The following GLRB variants were observed in gnomAD, a reference collection of about 807,000 sequenced individuals.
The protein encoded by GLRB is glycine receptor beta.
Under a neutral mutation model 54.2 loss-of-function variants are expected in GLRB, and 33 were observed. The observed-to-expected ratio is 0.61, with a 90% CI of 0.46 to 0.81. The LOEUF (loss-of-function observed/expected upper bound fraction) is 0.81, where lower values mean the gene tolerates loss of function less well. GLRB is among the 40% of genes least tolerant of loss of function. GLRB has a pLI of 0.00. For missense variants in GLRB, 572 were observed against 584.6 expected (o/e 0.98, Z 0.22); for synonymous variants, 209 against 208.2 (o/e 1.00, Z -0.03).
chr4:157,076,479 G>C (rs1277598890), intron 1 of GLRB, 182 bp downstream of exon 1: 1 of 151,668 alleles, frequency 6.6e-6, no homozygotes, highest in Non-Finnish European at 1.5e-5. Context: ...GGGGCGCGGG[G>C]CGCCTGGCAG....
rs281864922 is a variant in GLRB, at chr4:157,136,891, G to A, written c.610+5G>A. 8.1e-5 allele frequency: 124 copies of A among 1,524,980 alleles called. No homozygotes were observed. Among genetic ancestry groups the A allele is most frequent in the Non-Finnish European group, 1.0e-4 (114 of 1,098,918 alleles). The allele number at this position is 1,524,980 out of a possible 1,614,324, so 94.5% of individuals were successfully genotyped here. ...GCAAGATGCAACTGGAGAGCTGTAC[G>A]TAAATGAGAACATAATTGATTATGA... On this transcript the variant is annotated splice_donor_5th_base_variant and intron_variant, in intron 6 of 9. Coordinates refer to ENST00000264428, the MANE Select transcript of GLRB (RefSeq NM_000824.5).
intron 2 of GLRB, among the ~76,000 whole-genome samples, chr4:157,084,463 C>A (rs1050724643): frequency 6.6e-6 from 1 of 152,104 alleles, no homozygotes; most frequent in African/African-American, 2.4e-5. Context: ...CATTTATTAT[C>A]CTACCTTCTA....
chr4:157,162,764 G>T (rs1445459102), intron 9 of GLRB, among the ~76,000 whole-genome samples: 1 of 152,190 alleles, frequency 6.6e-6, no homozygotes, highest in Non-Finnish European at 1.5e-5. Context: ...ATGTCTCCCA[G>T]TTAGGCTACT....
intron 7 of GLRB, among the ~76,000 whole-genome samples, chr4:157,143,241 G>T (rs1257335544): frequency 6.6e-6 from 1 of 152,012 alleles, no homozygotes; most frequent in Non-Finnish European, 1.5e-5. Context: ...TATGTATATG[G>T]ATTGAAAACA....
chr4:157,152,595 G>T, intron 8 of GLRB, 123 bp from the exon 9 acceptor site: 1 of 797,038 alleles, frequency 1.3e-6, no homozygotes, highest in South Asian at 1.3e-5. Context: ...GCTTTAAGGG[G>T]ACCTGACAAA....
intron 2 of GLRB, among the ~76,000 whole-genome samples, chr4:157,092,303 A>G (rs1197762713): frequency 1.3e-5 from 2 of 152,194 alleles, no homozygotes; most frequent in Non-Finnish European, 2.9e-5. Context: ...TTGCTTCTCT[A>G]AGACTTTATC....
chr4:157,166,294 G>A (rs1041926363), intron 9 of GLRB, among the ~76,000 whole-genome samples: 2 of 151,948 alleles, frequency 1.3e-5, no homozygotes, highest in South Asian at 2.1e-4. Context: ...AGCCAAATTC[G>A]CTTTTAAGAA....
intron 2 of GLRB, among the ~76,000 whole-genome samples, chr4:157,107,695 G>A (rs1236919581): frequency 6.6e-6 from 1 of 152,090 alleles, no homozygotes; most frequent in Non-Finnish European, 1.5e-5. Context: ...GTGTGAGGTG[G>A]CACAGCAAGT....
intron 9 of GLRB, among the ~76,000 whole-genome samples, chr4:157,156,749 C>T (rs1737242527): frequency 6.6e-6 from 1 of 152,018 alleles, no homozygotes; most frequent in Non-Finnish European, 1.5e-5. Flanking sequence ...GTTGTAATAT[C>T]TTTCTCAGAT....
At chr4:157,148,426 T>C (rs1736896339) in intron 8 of GLRB, among the ~76,000 whole-genome samples, 1 of 152,202 alleles carries the variant, frequency 6.6e-6, no homozygotes, top group Non-Finnish European at 1.5e-5. Context: ...TTTAATTTGA[T>C]CTCTTTGTAA....
At chr4:157,136,732 A>G in intron 5 of GLRB, 34 bp downstream of exon 5, 1 of 1,521,192 alleles carries the variant, frequency 6.6e-7, no homozygotes. Context: ...GTGCATTTAT[A>G]TTTTCCTTCT....
At chr4:157,164,930 T>G (rs1737654031) in intron 9 of GLRB, among the ~76,000 whole-genome samples, 1 of 152,136 alleles carries the variant, frequency 6.6e-6, no homozygotes, top group Non-Finnish European at 1.5e-5. Context: ...ATATAAGAAC[T>G]TTTATATTTT....
At chr4:157,098,797 G>T (rs765373769) in intron 2 of GLRB, among the ~76,000 whole-genome samples, 1 of 151,870 alleles carries the variant, frequency 6.6e-6, no homozygotes, top group Admixed American at 6.6e-5. Flanking sequence ...TAATAGAGAC[G>T]GGGTTTCACC....
chr4:157,133,254 A>G (rs1222223039), intron 4 of GLRB, among the ~76,000 whole-genome samples: 1 of 151,870 alleles, frequency 6.6e-6, no homozygotes, highest in Non-Finnish European at 1.5e-5. Flanking sequence ...CTTTCAGTAG[A>G]GTATCTCCTT....
intron 3 of GLRB, among the ~76,000 whole-genome samples, chr4:157,121,169 ATTTT>A (rs2126531852): frequency 6.6e-6 from 1 of 151,816 alleles, no homozygotes. Context: ...TGGCCGTATG[ATTTT>A]TAAAAGCATG....
At chr4:157,152,066 A>G (rs1188143301) in intron 8 of GLRB, among the ~76,000 whole-genome samples, 1 of 152,212 alleles carries the variant, frequency 6.6e-6, no homozygotes, top group African/African-American at 2.4e-5. Context: ...AAATTATTGC[A>G]ATTCTTCTTT....
chr4:157,153,196 C>T (rs538872333), intron 9 of GLRB, among the ~76,000 whole-genome samples, 186 bp downstream of exon 9: 5 of 152,074 alleles, frequency 3.3e-5, no homozygotes, highest in Non-Finnish European at 4.4e-5. Context: ...ACATTCAGAA[C>T]GTTTAGGTCG....
At chr4:157,089,959 T>C (rs1274074642) in intron 2 of GLRB, among the ~76,000 whole-genome samples, 3 of 152,206 alleles carry the variant, frequency 2.0e-5, no homozygotes, top group African/African-American at 7.2e-5. Context: ...ACTCATTCTG[T>C]TGATGGTTTA....
intron 2 of GLRB, among the ~76,000 whole-genome samples, chr4:157,113,719 A>C (rs1222871912): frequency 6.6e-6 from 1 of 151,980 alleles, no homozygotes; most frequent in African/African-American, 2.4e-5. Context: ...TGAGGGGATA[A>C]ATAACATGAA....
Sources: allele counts gnomAD v4.1 joint callset (sites outside exome capture counted in the v4.1 genomes callset), GRCh38; gene constraint gnomAD v4.1.1; transcripts MANE v1.5; gene names NCBI Gene and HGNC (gene_info 2026-07-23, HGNC 2026-07-21).